The following MGAT4C variants were observed in gnomAD, a reference collection of about 807,000 sequenced individuals.
MGAT4C encodes the protein alpha-1,3-mannosyl-glycoprotein 4-beta-N-acetylglucosaminyltransferase C.
In MGAT4C, 19 loss-of-function variants were observed where a neutral mutation model predicts 40.1. That is an observed-to-expected ratio of 0.47 (90% CI 0.33 to 0.70). The LOEUF (loss-of-function observed/expected upper bound fraction) is 0.70. MGAT4C is among the 30% of genes least tolerant of loss of function. The probability of loss-of-function intolerance (pLI) is 0.02; values close to 1 mark genes in which losing one functional copy is unlikely to be tolerated. For missense variants in MGAT4C, 491 were observed against 563.2 expected (o/e 0.87, Z 1.30); for synonymous variants, 181 against 187.1 (o/e 0.97, Z 0.27).
chr12:86,364,179 A>T (rs970082477), intron 3 of MGAT4C, among the ~76,000 whole-genome samples: 13 of 151,980 alleles, frequency 8.6e-5, no homozygotes, highest in Admixed American at 6.6e-4. Context: ...CCAGAAAATT[A>T]AAAAAAAGAA....
chr12:86,099,198 A>G (rs1203882337), intron 1 of MGAT4C, among the ~76,000 whole-genome samples: 1 of 151,418 alleles, frequency 6.6e-6, no homozygotes, highest in East Asian at 1.9e-4. Context: ...ACAACTTTCC[A>G]AATTCCACCA....
intron 2 of MGAT4C, among the ~76,000 whole-genome samples, chr12:86,462,611 C>G (rs1023752717): frequency 4.2e-4 from 64 of 152,246 alleles, no homozygotes; most frequent in African/African-American, 1.5e-3. Flanking sequence ...AGCTTGGAAA[C>G]CAGACTGGGT....
intron 1 of MGAT4C, among the ~76,000 whole-genome samples, chr12:86,735,454 A>T (rs946588206): frequency 6.6e-6 from 1 of 151,892 alleles, no homozygotes; most frequent in African/African-American, 2.4e-5. Flanking sequence ...TTCAAATCTG[A>T]TGGTTAAAGC....
At chr12:86,059,287 C>T (rs1371153655) in intron 1 of MGAT4C, among the ~76,000 whole-genome samples, 1 of 152,210 alleles carries the variant, frequency 6.6e-6, no homozygotes, top group Non-Finnish European at 1.5e-5. Flanking sequence ...AGTGATCCGC[C>T]TGCCTCTGCC....
At chr12:86,456,439 C>G (rs1010637626) in intron 2 of MGAT4C, among the ~76,000 whole-genome samples, 1 of 152,052 alleles carries the variant, frequency 6.6e-6, no homozygotes, top group Non-Finnish European at 1.5e-5. Flanking sequence ...CAAAAACCAT[C>G]CTTGTAAACA....
intron 2 of MGAT4C, among the ~76,000 whole-genome samples, chr12:86,546,085 C>A (rs1959191503): frequency 6.6e-6 from 1 of 151,880 alleles, no homozygotes; most frequent in South Asian, 2.1e-4. Context: ...GAATTATGGT[C>A]ATAGTTCTCT....
chr12:86,136,370 G>A (rs945200337), intron 1 of MGAT4C, among the ~76,000 whole-genome samples: 1 of 152,138 alleles, frequency 6.6e-6, no homozygotes, highest in Non-Finnish European at 1.5e-5. Flanking sequence ...AGTTGCATGT[G>A]CTATGAAGAA....
intron 1 of MGAT4C, among the ~76,000 whole-genome samples, chr12:86,079,477 G>C (rs1281232430): frequency 6.6e-6 from 1 of 152,170 alleles, no homozygotes; most frequent in Non-Finnish European, 1.5e-5. Context: ...AGGACAAACT[G>C]TGAGTCCAGA....
At chr12:86,347,732 CAA>C (rs201426630) in intron 3 of MGAT4C, among the ~76,000 whole-genome samples, 2,853 of 152,266 alleles carry the variant, frequency 0.019, 36 homozygotes, top group Non-Finnish European at 0.029. Flanking sequence ...GGCCATTTTA[CAA>C]AGAGTCAGGA....
At chr12:86,774,374 C>T (rs1951712698) in intron 1 of MGAT4C, among the ~76,000 whole-genome samples, 1 of 80,530 alleles carries the variant, frequency 1.2e-5, no homozygotes, top group Non-Finnish European at 2.7e-5. Flanking sequence ...CTCTCTCTTT[C>T]TGTCTGTCTC....
intron 1 of MGAT4C, among the ~76,000 whole-genome samples, chr12:86,090,588 A>G (rs12321159): frequency 0.19 from 29,421 of 151,714 alleles, 3,771 homozygotes; most frequent in African/African-American, 0.36. Context: ...TAATACCGCA[A>G]TGAGAAGTCT....
chr12:86,053,562 CA>C (rs1893097092), intron 1 of MGAT4C, among the ~76,000 whole-genome samples: 1 of 151,266 alleles, frequency 6.6e-6, no homozygotes, highest in Non-Finnish European at 1.5e-5. Context: ...GCATAGAAAC[CA>C]AAGCAAAAAA....
chr12:86,341,125 C>G (rs1954896925), intron 3 of MGAT4C, among the ~76,000 whole-genome samples: 1 of 152,128 alleles, frequency 6.6e-6, no homozygotes, highest in Non-Finnish European at 1.5e-5. Context: ...ATCACAGAAA[C>G]AACTTGACCC....
chr12:86,505,213 A>G (rs985493947), intron 2 of MGAT4C, among the ~76,000 whole-genome samples: 4 of 152,194 alleles, frequency 2.6e-5, no homozygotes, highest in African/African-American at 7.2e-5. Context: ...GTTTGAAAAA[A>G]AAAATCCTGG....
chr12:86,760,578 A>T (rs1264591906), intron 1 of MGAT4C, among the ~76,000 whole-genome samples: 1 of 152,146 alleles, frequency 6.6e-6, no homozygotes, highest in Non-Finnish European at 1.5e-5. Context: ...ATATGCAATG[A>T]AACAGCTTTA....
chr12:86,627,591 C>T (rs1378546327), intron 2 of MGAT4C, among the ~76,000 whole-genome samples: 1 of 152,172 alleles, frequency 6.6e-6, no homozygotes, highest in African/African-American at 2.4e-5. Flanking sequence ...TGGTGATACC[C>T]AGGCAAACAG....
rs554599845 is a variant in MGAT4C, at chr12:86,821,961, A to T, written c.-262+16705T>A. Among the ~76,000 whole-genome samples, 258 of 150,306 alleles carry T rather than the reference A, an allele frequency of 1.7e-3. 1 individual carries two copies. Among genetic ancestry groups the T allele is most frequent in the Middle Eastern group, 6.8e-3 (2 of 294 alleles). ...TAAATTATTTTAATTGTAGTAAAAA[A>T]GTTAAAGACAAAAGTATTAAAAATA... On this transcript the variant is annotated intron_variant, in intron 1 of 7. Coordinates refer to the MGAT4C transcript ENST00000548651.
At chr12:86,698,587 TTAAA>T (rs547181078) in intron 2 of MGAT4C, among the ~76,000 whole-genome samples, 2 of 152,238 alleles carry the variant, frequency 1.3e-5, no homozygotes. Flanking sequence ...TACTGGGACT[TTAAA>T]TATGCTTTTT....
At chr12:86,241,816 G>C in intron 1 of MGAT4C, among the ~76,000 whole-genome samples, 1 of 152,158 alleles carries the variant, frequency 6.6e-6, no homozygotes, top group Non-Finnish European at 1.5e-5. Context: ...GTGTCAAAAG[G>C]CCTGGTCTGA....
Sources: gnomAD v4.1 joint callset for allele counts (sites outside exome capture counted in the v4.1 genomes callset) on GRCh38, gnomAD v4.1.1 for gene constraint, MANE v1.5 for transcripts, NCBI Gene and HGNC (gene_info 2026-07-23, HGNC 2026-07-21) for gene names.